CARS2: variants seen among roughly 807,000 people sequenced by gnomAD.
The protein encoded by CARS2 is probable cysteine--tRNA ligase, mitochondrial.
CARS2 carries 52 observed loss-of-function variants against 68.8 expected under a neutral mutation model. That is an observed-to-expected ratio of 0.76 (90% CI 0.61 to 0.95). The LOEUF is 0.95. Ranked by LOEUF, CARS2 falls within the 40% of genes least tolerant of loss-of-function variation. The pLI, the probability that CARS2 is intolerant of heterozygous loss-of-function variation, is 0.00. For missense variants in CARS2, 780 were observed against 754.2 expected, an observed-to-expected ratio of 1.03 and a Z score of -0.40; for synonymous variants, 314 against 303.6, an observed-to-expected ratio of 1.03 and a Z score of -0.36.
Position 110,641,615 on chromosome 13 carries a change from A to AAGAAG in CARS2, c.1624-12_1624-8dup. 6.2e-7 allele frequency: 1 copy of AAGAAG among 1,612,010 alleles called. No homozygotes were observed. Among genetic ancestry groups the AAGAAG allele is most frequent in the Non-Finnish European group, 8.5e-7 (1 of 1,178,372 alleles). ...ATGTTGTACTGCTTCTGTCCTGGAG[A>AAGAAG]AGAAGAGTGAGGTCCAACTCTGAGC... On this transcript the variant is annotated splice_region_variant and splice_polypyrimidine_tract_variant and intron_variant, in intron 14 of 14. Coordinates refer to ENST00000257347, the MANE Select transcript of CARS2 (RefSeq NM_024537.4).
exon 1 of CARS2, chr13:110,713,145 CG>C: frequency 7.0e-7 from 1 of 1,430,360 alleles, no homozygotes; most frequent in Non-Finnish European, 9.1e-7. Flanking sequence ...ACGGTCTCCC[CG>C]CCTCCTCTTC....
chr13:110,702,664 A>G (rs1247375291), intron 2 of CARS2, among the ~76,000 whole-genome samples: 1 of 152,226 alleles, frequency 6.6e-6, no homozygotes, highest in Non-Finnish European at 1.5e-5. Context: ...CAGAGGCTCC[A>G]CAGCTTGGCA....
intron 11 of CARS2, chr13:110,646,785 C>A: frequency 3.4e-6 from 1 of 298,476 alleles, no homozygotes; most frequent in Non-Finnish European, 6.2e-6. Context: ...CGCCGTCTCC[C>A]TGGGATGTCT....
chr13:110,708,588 A>G (rs1009925411), upstream of CARS2, among the ~76,000 whole-genome samples: 1 of 143,306 alleles, frequency 7.0e-6, no homozygotes, highest in African/African-American at 2.8e-5. Flanking sequence ...TTTTTTTTTG[A>G]GGCAGTCTTG....
chr13:110,691,049 C>G (rs1030593793), intron 3 of CARS2, among the ~76,000 whole-genome samples: 19 of 152,036 alleles, frequency 1.2e-4, no homozygotes, highest in African/African-American at 4.3e-4. Context: ...GAGTTTTGTT[C>G]TTGTTGTCCA....
intron 6 of CARS2, among the ~76,000 whole-genome samples, chr13:110,677,699 C>T (rs188051054): frequency 5.4e-5 from 3 of 56,042 alleles, no homozygotes; most frequent in African/African-American, 1.1e-4. Flanking sequence ...ACAGCCACCC[C>T]GCCACGGAAA....
chr13:110,705,887 G>A lies in CARS2; in HGVS notation c.207C>T (p.His69=). The change falls in exon 1 of 15, where the codon CAC becomes CAT. Residue 69 remains histidine (H), a synonymous_variant. Transcript: ENST00000257347. The surrounding 1 kb of genome is among the most constrained non-coding windows in gnomAD (Gnocchi z 4.0). ...CGGCCCACCAGGAGGCGGCTTCGGCGTGCGCCACGATTAGGGGTTCCTTCC... is the reference window on the plus strand; with the variant it reads ...CGGCCCACCAGGAGGCGGCTTCGGCATGCGCCACGATTAGGGGTTCCTTCC... The part of the protein sequence containing the change: ...TGRKEPLIVA[H]AEAASWYSCG... 3 of 1,567,514 alleles carry A rather than the reference G, an allele frequency of 1.9e-6. No homozygotes were observed. The highest frequency in any genetic ancestry group is 1.2e-5 in the South Asian group (1 of 85,732).
chr13:110,694,251 C>A (rs2063557220), intron 3 of CARS2, among the ~76,000 whole-genome samples: 2 of 151,132 alleles, frequency 1.3e-5, no homozygotes, highest in Admixed American at 6.6e-5. Context: ...GTCTCAAACT[C>A]CTGACCTCAG....
chr13:110,645,964 T>C lies in CARS2; in HGVS notation c.1317+3A>G. The C allele has an allele frequency of 6.2e-7, 1 of 1,611,326 alleles. No individual in the cohort carries two copies. The highest frequency in any genetic ancestry group is 8.5e-7 in the Non-Finnish European group (1 of 1,178,800). ...CCGCAAGGCCACCTGTTCGTTGAGC[T>C]ACCTTCAGGGACGCCCTGAGCTGTC... On this transcript the variant is annotated splice_donor_region_variant and intron_variant, in intron 12 of 14. Coordinates refer to ENST00000257347, the MANE Select transcript of CARS2 (RefSeq NM_024537.4).
In CARS2 at chr13:110,645,994, C is replaced by G; in HGVS notation, c.1290G>C (p.Gly430=). 6.2e-7 allele frequency: 1 copy of G among 1,613,950 alleles called. No homozygotes were observed. Among genetic ancestry groups the G allele is most frequent in the Non-Finnish European group, 8.5e-7 (1 of 1,179,942 alleles). The change falls in exon 12 of 15, where the codon GGG becomes GGC. Residue 430 remains glycine, a synonymous_variant. Transcript: ENST00000257347. ...VDAILGLAHH[G]NGQLRASLKE... ...TCAGGGACGCCCTGAGCTGTCCATT[C>G]CCGTGGTGTGCAAGGCCCAGGATGG...
In CARS2 at chr13:110,668,790, CTACGTTACACCTAT is replaced by C. The variant is rs2062722849; in HGVS notation, c.786-1331_786-1318del. Among the ~76,000 whole-genome samples the C allele has an allele frequency of 1.3e-5, 2 of 152,186 alleles. No individual in the cohort carries two copies. The highest frequency in any genetic ancestry group is 2.9e-5 in the Non-Finnish European group (2 of 68,034). On this transcript the variant is annotated intron_variant, in intron 7 of 14. Transcript: ENST00000257347. The surrounding 1 kb of genome is among the most constrained non-coding windows in gnomAD (Gnocchi z 4.1). ...ACTATGTTAGTTTCGCTCCTGATCT[CTACGTTACACCTAT>C]TTTAAAATCAGAGAAGGCTCAGAAG...
intron 6 of CARS2, among the ~76,000 whole-genome samples, chr13:110,679,863 C>T (rs1371054514): frequency 2.0e-5 from 3 of 152,050 alleles, no homozygotes; most frequent in Non-Finnish European, 2.9e-5. Context: ...AGAGGGGGCA[C>T]GCCGAGGCTC....
chr13:110,667,274 T>A, intron 8 of CARS2, 66 bp downstream of exon 8: 1 of 1,430,328 alleles, frequency 7.0e-7, no homozygotes, highest in Non-Finnish European at 9.6e-7. Context: ...AATGTAGCTG[T>A]TCCGCCGACA....
intron 9 of CARS2, among the ~76,000 whole-genome samples, chr13:110,661,453 T>G (rs181210681): frequency 6.6e-6 from 1 of 152,258 alleles, no homozygotes; most frequent in Non-Finnish European, 1.5e-5. Context: ...AGGAATGTTG[T>G]GGCTGGTTTG....
At chr13:110,642,583 C>T in intron 13 of CARS2, 62 bp from the exon 14 acceptor site, 2 of 1,510,804 alleles carry the variant, frequency 1.3e-6, no homozygotes, top group Non-Finnish European at 1.8e-6. Flanking sequence ...GCCCCCTCCC[C>T]ACCCCGTGGT....
At chr13:110,656,781 G>C (rs1371661487) in intron 9 of CARS2, among the ~76,000 whole-genome samples, 1 of 152,124 alleles carries the variant, frequency 6.6e-6, no homozygotes, top group Non-Finnish European at 1.5e-5. Flanking sequence ...CTACTCAGGA[G>C]GCTGAGGCAG....
At chr13:110,662,285 C>CACGCA (rs562838305) in intron 9 of CARS2, among the ~76,000 whole-genome samples, 1 of 150,030 alleles carries the variant, frequency 6.7e-6, no homozygotes, top group Non-Finnish European at 1.5e-5. Flanking sequence ...CGGGCTCCGA[C>CACGCA]CCCCCTCTGC....
At chr13:110,650,732 C>G in intron 10 of CARS2, 1 of 335,544 alleles carries the variant, frequency 3.0e-6, no homozygotes, top group Non-Finnish European at 5.4e-6. Flanking sequence ...CTTCCAATCT[C>G]CCAGTTCACA....
intron 1 of CARS2, chr13:110,712,533 G>GGGC (rs1325319353): frequency 3.2e-6 from 1 of 314,564 alleles, no homozygotes; most frequent in Non-Finnish European, 6.3e-6. Flanking sequence ...GGCCGGAAGG[G>GGGC]GGGGGGCCGG....
Sources: gnomAD v4.1 joint callset for allele counts (sites outside exome capture counted in the v4.1 genomes callset) on GRCh38, gnomAD v4.1.1 for gene constraint, Gnocchi (gnomAD v3.1) non-coding constraint, MANE v1.5 for transcripts, NCBI Gene and HGNC (gene_info 2026-07-23, HGNC 2026-07-21) for gene names.